The following LEPR variants were observed in gnomAD, a reference collection of about 807,000 sequenced individuals.
LEPR encodes the protein leptin receptor, also known as OB receptor.
LEPR carries 56 observed loss-of-function variants against 114.7 expected under a neutral mutation model. That is an observed-to-expected ratio of 0.49 (90% CI 0.39 to 0.61). The LOEUF is 0.61. Ranked by LOEUF, LEPR falls within the 20% of genes least tolerant of loss-of-function variation. The pLI is 0.00. For missense variants in LEPR, 1,202 were observed against 1,352.9 expected, an observed-to-expected ratio of 0.89 and a Z score of 1.75; for synonymous variants, 443 against 461.4, an observed-to-expected ratio of 0.96 and a Z score of 0.51.
At chr1:65,496,719 TG>T in intron 2 of LEPR, among the ~76,000 whole-genome samples, 1 of 152,314 alleles carries the variant, frequency 6.6e-6, no homozygotes, top group Non-Finnish European at 1.5e-5. Flanking sequence ...ATCACATTCC[TG>T]ACAAATAGTA....
intron 2 of LEPR, among the ~76,000 whole-genome samples, chr1:65,459,680 T>C (rs1018053763): frequency 3.9e-5 from 6 of 152,230 alleles, no homozygotes; most frequent in South Asian, 2.1e-4. Flanking sequence ...AACTCAAATG[T>C]AATAAATTAA....
At chr1:65,551,252 C>T (rs554526452) in intron 2 of LEPR, among the ~76,000 whole-genome samples, 34 of 152,072 alleles carry the variant, frequency 2.2e-4, no homozygotes, top group Non-Finnish European at 4.6e-4. Context: ...GGAGGAATCC[C>T]TCTTTTCCTG....
At chr1:65,435,242 T>TACCTCTGAGGTATCTCCTC in intron 2 of LEPR, 1 of 985,216 alleles carries the variant, frequency 1.0e-6, no homozygotes, top group Non-Finnish European at 1.2e-6. Flanking sequence ...AGGAAGTCCT[T>TACCTCTGAGGTATCTCCTC]ACCTCTGAGG....
chr1:65,485,769 A>G (rs1481668702), intron 2 of LEPR, among the ~76,000 whole-genome samples: 1 of 152,154 alleles, frequency 6.6e-6, no homozygotes, highest in African/African-American at 2.4e-5. Flanking sequence ...GCTTATAAAA[A>G]TGTTCTTTTG....
chr1:65,583,611 C>G (rs1168639786), intron 5 of LEPR, among the ~76,000 whole-genome samples: 8 of 152,054 alleles, frequency 5.3e-5, no homozygotes, highest in Non-Finnish European at 1.2e-4. Flanking sequence ...GCTCAAGTAA[C>G]TTAACTGACT....
At chr1:65,603,501 T>A (rs898880276) in intron 10 of LEPR, among the ~76,000 whole-genome samples, 1 of 152,222 alleles carries the variant, frequency 6.6e-6, no homozygotes, top group Non-Finnish European at 1.5e-5. Context: ...GAGTAATTGC[T>A]ACTTCAGCTA....
intron 5 of LEPR, among the ~76,000 whole-genome samples, chr1:65,575,341 TTCATTGGC>T (rs1434728521): frequency 1.4e-5 from 2 of 147,448 alleles, no homozygotes; most frequent in South Asian, 4.1e-4. Flanking sequence ...CAAAATTCAC[TTCATTGGC>T]TCATTGGCTA....
intron 14 of LEPR, 95 bp downstream of exon 14, chr1:65,610,391 C>T: frequency 9.8e-7 from 1 of 1,025,558 alleles, no homozygotes; most frequent in Non-Finnish European, 1.4e-6. Context: ...CTTCGGAAAG[C>T]TCAACAATCC....
In LEPR at chr1:65,633,507, A is replaced by G; in HGVS notation, c.2674-2684A>G. ...ATTATGGCTGTTGCTGTCATTACAT[A>G]TCTATTAAATGTCATCAAATATGTA... On this transcript the variant is annotated intron_variant, in intron 19 of 19. Coordinates refer to ENST00000349533, the MANE Select transcript of LEPR (RefSeq NM_002303.6). This position sits in a 1 kb window ranked among gnomAD's most constrained non-coding sequence, Gnocchi z 4.1. The G allele has an allele frequency of 8.9e-7, 1 of 1,118,152 alleles. No individual in the cohort carries two copies. The highest frequency in any genetic ancestry group is 1.1e-6 in the Non-Finnish European group (1 of 913,034). The allele number at this position is 1,118,152 out of a possible 1,614,324, so 69.3% of individuals were successfully genotyped here.
chr1:65,571,284 A>G (rs931210235), intron 4 of LEPR, among the ~76,000 whole-genome samples: 2 of 152,180 alleles, frequency 1.3e-5, no homozygotes, highest in Non-Finnish European at 2.9e-5. Context: ...GCTATGGTAC[A>G]TGTTTACCTA....
intron 19 of LEPR, among the ~76,000 whole-genome samples, chr1:65,626,701 G>C (rs1271112617): frequency 6.6e-6 from 1 of 152,002 alleles, no homozygotes; most frequent in African/African-American, 2.4e-5. Flanking sequence ...GGAGCGCAGC[G>C]GTGAGATCTC....
At chr1:65,422,335 T>TTGGCAACCATGCTGGCAACCATGC (rs144053797) in intron 1 of LEPR, among the ~76,000 whole-genome samples, 3 of 150,988 alleles carry the variant, frequency 2.0e-5, no homozygotes, top group Admixed American at 1.3e-4. Context: ...CCAAAGATTG[T>TTGGCAACCATGCTGGCAACCATGC]TGGCAACCAT....
At chr1:65,495,133 G>A (rs928976935) in intron 2 of LEPR, among the ~76,000 whole-genome samples, 5 of 152,056 alleles carry the variant, frequency 3.3e-5, no homozygotes, top group African/African-American at 1.2e-4. Flanking sequence ...ACAATCTACA[G>A]AATAGGAGAA....
chr1:65,499,904 T>C (rs1488606534), intron 2 of LEPR, among the ~76,000 whole-genome samples: 1 of 152,130 alleles, frequency 6.6e-6, no homozygotes, highest in Non-Finnish European at 1.5e-5. Flanking sequence ...GACATCCATG[T>C]TCTGACCCTG....
At chr1:65,543,682 C>A (rs1270602580) in intron 2 of LEPR, among the ~76,000 whole-genome samples, 1 of 151,964 alleles carries the variant, frequency 6.6e-6, no homozygotes, top group Non-Finnish European at 1.5e-5. Flanking sequence ...CAGTTTTCTG[C>A]ATATGGCTAG....
chr1:65,574,626 C>T lies in LEPR; in HGVS notation c.494+2177C>T, dbSNP rs140570956. Among the ~76,000 whole-genome samples the T allele has an allele frequency of 2.3e-3, 343 of 152,284 alleles. 5 individuals are homozygous for T. The East Asian group carries it at 0.051, about 22-fold the overall frequency. On this transcript the variant is annotated intron_variant, in intron 5 of 19. Transcript: ENST00000349533. ...GCACTTGCTATGTTTAACAGTTGTT[C>T]TACCTCTAGAAATTAACACAATGGA...
chr1:65,535,812 G>C (rs1650732854), intron 2 of LEPR, among the ~76,000 whole-genome samples: 1 of 152,074 alleles, frequency 6.6e-6, no homozygotes, highest in Non-Finnish European at 1.5e-5. Flanking sequence ...GATGCTCTTT[G>C]GCTGATGTTT....
At chr1:65,509,389 A>G (rs1178451128) in intron 2 of LEPR, among the ~76,000 whole-genome samples, 4 of 152,126 alleles carry the variant, frequency 2.6e-5, no homozygotes, top group African/African-American at 9.7e-5. Context: ...GAGCGTTTTT[A>G]TCATGAAAGG....
intron 2 of LEPR, among the ~76,000 whole-genome samples, chr1:65,514,651 A>G (rs1649196666): frequency 6.6e-6 from 1 of 152,226 alleles, no homozygotes; most frequent in African/African-American, 2.4e-5. Context: ...AATTCCTATA[A>G]TATATGTTCT....
Sources: allele counts gnomAD v4.1 joint callset (sites outside exome capture counted in the v4.1 genomes callset), GRCh38; gene constraint gnomAD v4.1.1; non-coding constraint Gnocchi (gnomAD v3.1); transcripts MANE v1.5; gene names NCBI Gene and HGNC (gene_info 2026-07-23, HGNC 2026-07-21).